LRRC4C: variants seen among roughly 807,000 people sequenced by gnomAD.
LRRC4C encodes leucine-rich repeat-containing protein 4C.
A neutral mutation model predicts 33.6 loss-of-function variants in LRRC4C; 5 were observed. That is an observed-to-expected ratio of 0.15 (90% CI 0.08 to 0.31). The LOEUF (loss-of-function observed/expected upper bound fraction) is 0.31. LRRC4C is among the 10% of genes least tolerant of loss of function. The probability of loss-of-function intolerance (pLI) is 1.00; values close to 1 mark genes in which losing one functional copy is unlikely to be tolerated. For missense variants in LRRC4C, 560 were observed against 796.7 expected (o/e 0.70, Z 3.58); for synonymous variants, 329 against 302.0 (o/e 1.09, Z -0.93).
chr11:40,256,235 G>C (rs887103703), intron 4 of LRRC4C, among the ~76,000 whole-genome samples: 1 of 152,128 alleles, frequency 6.6e-6, no homozygotes, highest in Non-Finnish European at 1.5e-5. Context: ...AAAGATCCTA[G>C]CTTGGGAATA....
intron 1 of LRRC4C, among the ~76,000 whole-genome samples, chr11:41,086,082 T>A (rs1171114923): frequency 1.3e-5 from 2 of 152,130 alleles, no homozygotes; most frequent in Non-Finnish European, 2.9e-5. Context: ...TGAATCCTAG[T>A]GTATCAAATG....
At chr11:41,185,196 A>G (rs1945638561) in intron 1 of LRRC4C, among the ~76,000 whole-genome samples, 1 of 152,200 alleles carries the variant, frequency 6.6e-6, no homozygotes, top group Admixed American at 6.5e-5. Context: ...CAAAAAATAA[A>G]TAGTAGGTAG....
At chr11:41,292,111 T>G (rs1950009913) in intron 1 of LRRC4C, among the ~76,000 whole-genome samples, 1 of 152,174 alleles carries the variant, frequency 6.6e-6, no homozygotes, top group South Asian at 2.1e-4. Context: ...ATAACAGGTT[T>G]GATGATGTAG....
chr11:41,044,353 A>G (rs1013559483), intron 1 of LRRC4C, among the ~76,000 whole-genome samples: 3 of 152,154 alleles, frequency 2.0e-5, no homozygotes, highest in Non-Finnish European at 4.4e-5. Flanking sequence ...CTGGATAATG[A>G]TTTAGCATGG....
At chr11:40,626,675 A>G (rs992062796) in intron 3 of LRRC4C, among the ~76,000 whole-genome samples, 4 of 152,162 alleles carry the variant, frequency 2.6e-5, no homozygotes, top group African/African-American at 9.7e-5. Context: ...TTCAGCTCTT[A>G]TTGAGCTCCA....
intron 1 of LRRC4C, among the ~76,000 whole-genome samples, chr11:41,067,623 G>A (rs1241829636): frequency 6.6e-6 from 1 of 152,162 alleles, no homozygotes; most frequent in East Asian, 1.9e-4. Context: ...GCTTTTCAGT[G>A]CCGCATGGCA....
chr11:40,254,837 C>T (rs1476574603), intron 4 of LRRC4C, among the ~76,000 whole-genome samples: 2 of 152,076 alleles, frequency 1.3e-5, no homozygotes, highest in Non-Finnish European at 2.9e-5. Flanking sequence ...GGGACAGGAT[C>T]TCACTCTGTC....
intron 1 of LRRC4C, among the ~76,000 whole-genome samples, chr11:41,301,315 T>C (rs149666268): frequency 1.3e-5 from 2 of 152,344 alleles, no homozygotes; most frequent in East Asian, 3.9e-4. Flanking sequence ...AAAGAAAGAA[T>C]TCCCTTTCTA....
In LRRC4C at chr11:40,115,095, T is replaced by G. The variant is rs1164054282; in HGVS notation, c.1198A>C (p.Lys400Gln). The G allele has an allele frequency of 6.2e-6, 10 of 1,614,112 alleles. No individual in the cohort carries two copies. The highest frequency in any genetic ancestry group is 1.6e-4 in the Middle Eastern group (1 of 6,084). The change falls in exon 7 of 7, where the codon AAA (lysine) becomes CAA (glutamine). Residue 400 changes from lysine (K) to glutamine (Q), a missense_variant. Physicochemically the swap from Lys to Gln is moderately conservative, Grantham distance 53. Around this residue, in one of 3 missense-constraint regions of LRRC4C, gnomAD observed 455 missense variants for 643.8 expected, o/e 0.71. Transcript: ENST00000528697. This position sits in a 1 kb window ranked among gnomAD's most constrained non-coding sequence, Gnocchi z 6.7. ...NGTVMTHGAY[K>Q]VRIAVLSDGT... ...TCACTGAGCACAGCTATCCGCACTT[T>G]GTACGCCCCATGTGTCATGACTGTT... is the stretch of plus-strand genomic sequence containing the variant.
At chr11:41,319,773 A>T (rs1012585329) in intron 1 of LRRC4C, among the ~76,000 whole-genome samples, 1 of 151,694 alleles carries the variant, frequency 6.6e-6, no homozygotes, top group Non-Finnish European at 1.5e-5. Context: ...CTGGTCTGGA[A>T]CTCCTGGGCT....
intron 3 of LRRC4C, among the ~76,000 whole-genome samples, chr11:40,541,108 A>G (rs928389018): frequency 6.6e-6 from 1 of 152,214 alleles, no homozygotes; most frequent in African/African-American, 2.4e-5. Flanking sequence ...TAAAGTGTCA[A>G]TAATTACTAA....
chr11:41,035,606 G>T (rs2137891023), intron 1 of LRRC4C, among the ~76,000 whole-genome samples: 1 of 152,264 alleles, frequency 6.6e-6, no homozygotes, highest in African/African-American at 2.4e-5. Context: ...ACTCTGGGGA[G>T]AGCGTAACTG....
intron 1 of LRRC4C, among the ~76,000 whole-genome samples, chr11:41,217,870 A>G (rs887709133): frequency 6.8e-6 from 1 of 145,988 alleles, no homozygotes; most frequent in Non-Finnish European, 1.6e-5. Context: ...CATTATGTTC[A>G]CACAATAGAA....
At chr11:40,765,028 T>C (rs564971149) in intron 2 of LRRC4C, among the ~76,000 whole-genome samples, 16 of 152,268 alleles carry the variant, frequency 1.1e-4, no homozygotes, top group African/African-American at 3.8e-4. Context: ...AGTGCTCAGA[T>C]ACTGACAAAC....
intron 3 of LRRC4C, among the ~76,000 whole-genome samples, chr11:40,336,942 A>C (rs1037863735): frequency 1.6e-5 from 2 of 127,594 alleles, no homozygotes; most frequent in African/African-American, 6.6e-5. Flanking sequence ...GCACCACTGC[A>C]CTCCAGCCTG....
In LRRC4C at chr11:40,845,988, C is replaced by T. The variant is rs147679531; in HGVS notation, c.-407+87647G>A. ...TGCATAAATGTCTTCTTTTGAGAAA[C>T]GTCTGTTCAGATCCTTCACCCACTT... On this transcript the variant is annotated intron_variant, in intron 2 of 6. Coordinates refer to ENST00000528697, the MANE Select transcript of LRRC4C (RefSeq NM_001258419.2). 3.8e-4 allele frequency among the ~76,000 whole-genome samples: 57 copies of T among 148,988 alleles called. No individual in the cohort carries two copies. In the East Asian group the frequency reaches 0.011, roughly 28 times the overall value.
intron 1 of LRRC4C, among the ~76,000 whole-genome samples, chr11:41,456,749 C>T (rs1956182678): frequency 6.6e-6 from 1 of 152,102 alleles, no homozygotes; most frequent in Non-Finnish European, 1.5e-5. Context: ...TCTGAATTCT[C>T]TAAGCAATGA....
chr11:41,375,554 T>A (rs1371592544), intron 1 of LRRC4C, among the ~76,000 whole-genome samples: 1 of 152,200 alleles, frequency 6.6e-6, no homozygotes, highest in East Asian at 1.9e-4. Context: ...GTTTCAGTCA[T>A]TATTTATTCA....
At chr11:40,598,720 T>C (rs559846046) in intron 3 of LRRC4C, among the ~76,000 whole-genome samples, 14 of 152,296 alleles carry the variant, frequency 9.2e-5, no homozygotes, top group Admixed American at 4.6e-4. Context: ...GTGGTTGTTA[T>C]GGCCTGAGGA....
Sources: allele counts gnomAD v4.1 joint callset (sites outside exome capture counted in the v4.1 genomes callset), GRCh38; gene constraint gnomAD v4.1.1; regional missense constraint gnomAD v4.1.1; non-coding constraint Gnocchi (gnomAD v3.1); transcripts MANE v1.5; gene names NCBI Gene and HGNC (gene_info 2026-07-23, HGNC 2026-07-21).